ARL9: variants seen among roughly 807,000 people sequenced by gnomAD.
ARL9 encodes ARF like GTPase 9.
In ARL9, 14 loss-of-function variants were observed where a neutral mutation model predicts 27.0. The observed-to-expected ratio is 0.52, with a 90% CI of 0.34 to 0.81. ARL9 has a LOEUF of 0.81. Ranked by LOEUF, ARL9 falls within the 30% of genes least tolerant of loss-of-function variation. The pLI is 0.01. For missense variants in ARL9, 294 were observed against 290.0 expected (o/e 1.01, Z -0.10); for synonymous variants, 106 against 108.7 (o/e 0.98, Z 0.15).
chr4:56,514,728 C>T (rs1721725652), intron 2 of ARL9, among the ~76,000 whole-genome samples: 1 of 152,020 alleles, frequency 6.6e-6, no homozygotes, highest in Non-Finnish European at 1.5e-5. Flanking sequence ...TATAGGTGGG[C>T]TCTTATCAAT....
intron 2 of ARL9, among the ~76,000 whole-genome samples, chr4:56,517,024 C>T (rs771419526): frequency 1.2e-4 from 19 of 152,158 alleles, no homozygotes; most frequent in Non-Finnish European, 2.6e-4. Context: ...GTACCAACTT[C>T]TTTGGAAAAC....
intron 2 of ARL9, among the ~76,000 whole-genome samples, chr4:56,513,795 A>G (rs1721702353): frequency 6.6e-6 from 1 of 152,192 alleles, no homozygotes; most frequent in Admixed American, 6.5e-5. Context: ...AAGAGTGCTA[A>G]CATGCTCCCA....
intron 3 of ARL9, among the ~76,000 whole-genome samples, chr4:56,523,368 G>A (rs1030271097): frequency 2.6e-5 from 4 of 152,180 alleles, no homozygotes; most frequent in African/African-American, 4.8e-5. Flanking sequence ...CAGCCTGGGC[G>A]ACAAAGCAAG....
rs1722015745 is a variant in ARL9, at chr4:56,524,246, T to C, written c.*370T>C. The C allele has an allele frequency of 6.2e-6, 1 of 161,654 alleles. No homozygotes were observed. The highest frequency in any genetic ancestry group is 6.3e-5 in the Admixed American group (1 of 15,948). 10.0% of individuals were successfully genotyped at this position (161,654 alleles called of 1,614,324 possible). A position where few individuals can be genotyped will look rare whatever the true frequency, so the allele number is the denominator to read the frequency against. Reference sequence around the variant, plus strand: ...GTGTAGGTTATATGTAAATATGCCATTTTCCATCAGGAGCTTGAGCATCCA... The same window carrying C: ...GTGTAGGTTATATGTAAATATGCCACTTTCCATCAGGAGCTTGAGCATCCA... On this transcript the variant is annotated 3_prime_UTR_variant, in exon 4 of 4. Coordinates refer to ENST00000640821, the MANE Select transcript of ARL9 (RefSeq NM_001363794.2).
chr4:56,518,479 G>T (rs925367568), intron 2 of ARL9, among the ~76,000 whole-genome samples, 199 bp from the exon 3 acceptor site: 2 of 152,192 alleles, frequency 1.3e-5, no homozygotes, highest in Non-Finnish European at 2.9e-5. Context: ...TGAACCACTT[G>T]TGATGGTTCT....
chr4:56,514,647 T>C (rs1339298702), intron 2 of ARL9, among the ~76,000 whole-genome samples: 1 of 152,186 alleles, frequency 6.6e-6, no homozygotes, highest in Non-Finnish European at 1.5e-5. Flanking sequence ...GAATATTGAA[T>C]AATTTAAAAC....
At chr4:56,521,852 G>A (rs1721928709) in intron 3 of ARL9, among the ~76,000 whole-genome samples, 1 of 151,966 alleles carries the variant, frequency 6.6e-6, no homozygotes, top group Admixed American at 6.6e-5. Context: ...ATATCATTTG[G>A]AAAAAATAAT....
chr4:56,518,992 C>T lies in ARL9; in HGVS notation c.618+139C>T, dbSNP rs1014067539. On this transcript the variant is annotated intron_variant, in intron 3 of 3. Transcript: ENST00000640821. ...TATTAGAGCTCTTGGATTATAAACACCTTGAGGGTAGAGACTGTTGTTCAT... is the reference window on the plus strand; with the variant it reads ...TATTAGAGCTCTTGGATTATAAACATCTTGAGGGTAGAGACTGTTGTTCAT... The T allele has an allele frequency of 3.6e-6, 3 of 823,098 alleles. No individual in the cohort carries two copies. The African/African-American group carries it at 5.2e-5, about 14-fold the overall frequency. The allele number at this position is 823,098 out of a possible 1,614,324, so 51.0% of individuals were successfully genotyped here.
At position 56,518,796 on chromosome 4, in the gene ARL9, T is replaced by C. The variant is rs1183270069; in HGVS notation, c.561T>C (p.Leu187=). Reference sequence around the variant, plus strand: ...GATTACCTGAAGCCAAGAAATACCTTCATCAGCTAATTGCAGCAAACCCAG... The same window carrying C: ...GATTACCTGAAGCCAAGAAATACCTCCATCAGCTAATTGCAGCAAACCCAG... ...HSRLPEAKKY[L]HQLIAANPVL... is the part of the protein sequence containing the mutation. Residue 187 remains leucine, a synonymous_variant, in exon 3 of 4, where the codon CTT becomes CTC. Transcript: ENST00000640821. 1 of 1,614,006 alleles carries C rather than the reference T, an allele frequency of 6.2e-7. No homozygotes were observed. The highest frequency in any genetic ancestry group is 8.5e-7 in the Non-Finnish European group (1 of 1,179,894).
intron 1 of ARL9, chr4:56,506,520 C>T (rs1721464739): frequency 2.9e-6 from 2 of 686,022 alleles, no homozygotes; most frequent in Non-Finnish European, 3.6e-6. Context: ...CCGAACCCTC[C>T]CCACACGCAG....
intron 2 of ARL9, among the ~76,000 whole-genome samples, chr4:56,517,206 TA>T (rs1443937967): frequency 6.6e-6 from 1 of 152,208 alleles, no homozygotes; most frequent in Non-Finnish European, 1.5e-5. Flanking sequence ...GTTAAAACCA[TA>T]TGAGTTACAC....
chr4:56,515,961 T>A (rs1012388699), intron 2 of ARL9, among the ~76,000 whole-genome samples: 3 of 152,132 alleles, frequency 2.0e-5, no homozygotes, highest in Non-Finnish European at 2.9e-5. Flanking sequence ...AAAATTTACA[T>A]GGGTGAGCAA....
chr4:56,511,145 T>A (rs907212562), intron 1 of ARL9, 40 bp from the exon 2 acceptor site: 48 of 1,486,180 alleles, frequency 3.2e-5, no homozygotes, highest in Non-Finnish European at 4.0e-5. Flanking sequence ...AATGAGCCCC[T>A]GATAGCATGG....
upstream of ARL9, chr4:56,505,466 T>G (rs1257315285): frequency 2.1e-6 from 1 of 465,582 alleles, no homozygotes; most frequent in East Asian, 6.8e-5. Context: ...TTGCTTAGAC[T>G]GCGGCCCACG....
chr4:56,524,007 A>G lies in ARL9; in HGVS notation c.*131A>G. On this transcript the variant is annotated 3_prime_UTR_variant, in exon 4 of 4. Coordinates refer to ENST00000640821, the MANE Select transcript of ARL9 (RefSeq NM_001363794.2). ...TATTTTCTCAGTGCATGGGATGTAT[A>G]TAGTTAGCCCTCCATATCCATGGGT... 2.5e-6 allele frequency: 2 copies of G among 801,036 alleles called. No individual in the cohort carries two copies. Among genetic ancestry groups the G allele is most frequent in the Non-Finnish European group, 3.7e-6 (2 of 547,120 alleles). 49.6% of individuals were successfully genotyped at this position (801,036 alleles called of 1,614,324 possible). A position where few individuals can be genotyped will look rare whatever the true frequency, so the allele number is the denominator to read the frequency against.
At chr4:56,519,714 GTTTC>G (rs1339507691) in intron 3 of ARL9, among the ~76,000 whole-genome samples, 1 of 152,008 alleles carries the variant, frequency 6.6e-6, no homozygotes, top group African/African-American at 2.4e-5. Flanking sequence ...GCTGTTTTAT[GTTTC>G]TTTATGTTTT....
rs746797315 is a variant in ARL9, at chr4:56,523,792, CCTGA to C, written c.717_720del (p.Thr240ArgfsTer16). The C allele has an allele frequency of 4.3e-5, 70 of 1,613,812 alleles. 1 individual carries two copies. Among genetic ancestry groups the C allele is most frequent in the Non-Finnish European group, 5.1e-5 (60 of 1,179,854 alleles). ...GGAAGATGTTCTTGTTTGGAACCTACCTGACTAAGAATGGCTCAGAGATACCCTC... is the reference window on the plus strand; with the variant it reads ...GGAAGATGTTCTTGTTTGGAACCTACCTAAGAATGGCTCAGAGATACCCTC... On this transcript the variant is annotated frameshift_variant, in exon 4 of 4. Coordinates refer to ENST00000640821, the MANE Select transcript of ARL9 (RefSeq NM_001363794.2). LOFTEE classifies it high-confidence loss of function.
At chr4:56,520,740 T>G (rs892314288) in intron 3 of ARL9, among the ~76,000 whole-genome samples, 14 of 152,178 alleles carry the variant, frequency 9.2e-5, no homozygotes, top group African/African-American at 3.4e-4. Context: ...CTTTCTCAAT[T>G]GTTAGGTTTG....
At chr4:56,518,997 AG>A in intron 3 of ARL9, 144 bp downstream of exon 3, 1 of 803,204 alleles carries the variant, frequency 1.2e-6, no homozygotes, top group East Asian at 2.8e-5. Context: ...AAACACCTTG[AG>A]GGTAGAGACT....
Sources: allele counts gnomAD v4.1 joint callset (sites outside exome capture counted in the v4.1 genomes callset), GRCh38; gene constraint gnomAD v4.1.1; transcripts MANE v1.5; gene names NCBI Gene and HGNC (gene_info 2026-07-23, HGNC 2026-07-21).